The following SREK1 variants were observed in gnomAD, a reference collection of about 807,000 sequenced individuals.
SREK1 encodes splicing regulatory glutamic acid and lysine rich protein 1.
Under a neutral mutation model 66.5 loss-of-function variants are expected in SREK1, and 13 were observed. The observed-to-expected ratio is 0.20, with a 90% CI of 0.13 to 0.31. The LOEUF (loss-of-function observed/expected upper bound fraction) is 0.31, where lower values mean the gene tolerates loss of function less well. SREK1 is among the 10% of genes least tolerant of loss of function. The pLI is 1.00. For synonymous variants in SREK1, 265 were observed against 263.5 expected, an observed-to-expected ratio of 1.01 and a Z score of -0.05; for missense variants, 607 against 769.6, an observed-to-expected ratio of 0.79 and a Z score of 2.50.
intron 1 of SREK1, among the ~76,000 whole-genome samples, chr5:66,151,834 CTTTTTTTTTT>C (rs60920757): frequency 2.0e-4 from 17 of 84,786 alleles, no homozygotes; most frequent in African/African-American, 5.9e-4. Context: ...GAGGTACATC[CTTTTTTTTTT>C]TTTTTTTTTT....
At position 66,169,977 on chromosome 5, in the gene SREK1, G is replaced by A. The variant is rs948340928; in HGVS notation, c.1002-74G>A. On this transcript the variant is annotated intron_variant, in intron 7 of 11. Coordinates refer to ENST00000334121, the MANE Select transcript of SREK1 (RefSeq NM_001077199.3). Reference sequence around the variant, plus strand: ...TTTAAAATATTGTTAAATACTGTTAGGATAGATTTTAAATTTTCTTGTTTG... The same window carrying A: ...TTTAAAATATTGTTAAATACTGTTAAGATAGATTTTAAATTTTCTTGTTTG... 1.2e-5 allele frequency: 15 copies of A among 1,249,674 alleles called. No individual in the cohort carries two copies. In the African/African-American group the frequency reaches 2.0e-4, roughly 17 times the overall value. The allele number at this position is 1,249,674 out of a possible 1,614,324, so 77.4% of individuals were successfully genotyped here.
chr5:66,160,180 A>T (rs1321635543), intron 3 of SREK1, among the ~76,000 whole-genome samples: 1 of 151,632 alleles, frequency 6.6e-6, no homozygotes, highest in Non-Finnish European at 1.5e-5. Flanking sequence ...TGCTTAAAAA[A>T]CTCTGGCCAT....
chr5:66,148,971 T>C (rs1269412657), intron 1 of SREK1, among the ~76,000 whole-genome samples: 1 of 152,216 alleles, frequency 6.6e-6, no homozygotes, highest in East Asian at 1.9e-4. Context: ...TAAAATAGTG[T>C]TACCTTGCCT....
rs868461398 is a variant in SREK1 at position 66,157,832 on chromosome 5, G to A, written c.296-1387G>A. 37 of 530,998 alleles carry A rather than the reference G, an allele frequency of 7.0e-5. No individual in the cohort carries two copies. In the Middle Eastern group the frequency reaches 3.0e-3, roughly 43 times the overall value. 32.9% of individuals were successfully genotyped at this position (530,998 alleles called of 1,614,324 possible). A position where few individuals can be genotyped will look rare whatever the true frequency, so the allele number is the denominator to read the frequency against. On this transcript the variant is annotated intron_variant, in intron 2 of 11. Transcript: ENST00000334121. Reference sequence around the variant, plus strand: ...AAGGCATAGCCATTATTTAAATCAAGTTTTAAATTCCAACTTGAGTTCCAT... The same window carrying A: ...AAGGCATAGCCATTATTTAAATCAAATTTTAAATTCCAACTTGAGTTCCAT...
At chr5:66,151,898 T>A (rs1743858950) in intron 1 of SREK1, among the ~76,000 whole-genome samples, 1 of 135,840 alleles carries the variant, frequency 7.4e-6, no homozygotes, top group South Asian at 2.3e-4. Flanking sequence ...TAGGCTGGAG[T>A]GCAGTGGCGC....
intron 2 of SREK1, chr5:66,157,057 T>C (rs1826388370): frequency 1.0e-6 from 1 of 982,124 alleles, no homozygotes; most frequent in Non-Finnish European, 1.2e-6. Flanking sequence ...ATGGAGCTTT[T>C]TCTTAAAGTA....
At position 66,170,859 on chromosome 5, in the gene SREK1, G is replaced by C. The variant is rs761977570; in HGVS notation, c.1396G>C (p.Glu466Gln). Residue 466 changes from glutamate (E) to glutamine (Q), a missense_variant, in exon 9 of 12, where the codon GAG (glutamate) becomes CAG (glutamine). By Grantham distance (29) the Glu-to-Gln change is conservative. Around this residue, in one of 5 missense-constraint regions of SREK1, gnomAD observed 318 missense variants for 310.3 expected, o/e 1.02. Coordinates refer to ENST00000334121, the MANE Select transcript of SREK1 (RefSeq NM_001077199.3). ...EKEREKDRSKEIDEKRKKDKK... is the reference protein window; with the variant it reads ...EKEREKDRSKQIDEKRKKDKK... ...GGAACGAGAAAAAGACAGATCCAAA[G>C]AGATAGATGAAAAAAGAAAGAAGGA... 2 of 1,613,656 alleles carry C rather than the reference G, an allele frequency of 1.2e-6. No individual in the cohort carries two copies. Among genetic ancestry groups the C allele is most frequent in the Admixed American group, 3.3e-5 (2 of 59,938 alleles).
At chr5:66,176,654 C>T (rs1372702001) in intron 10 of SREK1, among the ~76,000 whole-genome samples, 1 of 151,978 alleles carries the variant, frequency 6.6e-6, no homozygotes, top group African/African-American at 2.4e-5. Flanking sequence ...CTTATTAGGC[C>T]ATCATTAGTG....
chr5:66,154,765 G>C (rs1271294577), intron 2 of SREK1, among the ~76,000 whole-genome samples: 2 of 152,044 alleles, frequency 1.3e-5, no homozygotes, highest in African/African-American at 2.4e-5. Context: ...GGGTTAGAGT[G>C]GGTAGGGAAG....
chr5:66,145,204 C>T (rs1056324568), intron 1 of SREK1: 8 of 974,138 alleles, frequency 8.2e-6, no homozygotes, highest in Non-Finnish European at 9.8e-6. Flanking sequence ...GCAGGGTTAT[C>T]CCTCCCGTAT....
At chr5:66,148,170 C>G (rs57904365) in intron 1 of SREK1, among the ~76,000 whole-genome samples, 1,913 of 152,050 alleles carry the variant, frequency 0.013, 47 homozygotes, top group African/African-American at 0.044. Context: ...ATGAATTGTG[C>G]TAATCCATAG....
At position 66,145,108 on chromosome 5, in the gene SREK1, G is replaced by A. The variant is rs186130115; in HGVS notation, c.161+571G>A. 3.4e-4 allele frequency: 332 copies of A among 985,698 alleles called. 4 individuals carry two copies. Among genetic ancestry groups the A allele is most frequent in the Admixed American group, 2.7e-3 (44 of 16,288 alleles). The allele number at this position is 985,698 out of a possible 1,614,324, so 61.1% of individuals were successfully genotyped here. A position where few individuals can be genotyped will look rare whatever the true frequency, so the allele number is the denominator to read the frequency against. ...GCGCATCCATGTTCCCAAAGATCAT[G>A]TCTGTTAGCCCTTTTGACAGCAGAT... On this transcript the variant is annotated intron_variant, in intron 1 of 11. Coordinates refer to ENST00000334121, the MANE Select transcript of SREK1 (RefSeq NM_001077199.3).
At chr5:66,165,813 G>T (rs1201854546) in intron 7 of SREK1, 1 of 152,164 alleles carries the variant, frequency 6.6e-6, no homozygotes, top group Admixed American at 6.5e-5. Flanking sequence ...GAAAGGATTT[G>T]GGGGAGGGAA....
intron 2 of SREK1, chr5:66,156,591 C>T: frequency 1.0e-6 from 1 of 985,444 alleles, no homozygotes; most frequent in South Asian, 4.7e-5. Flanking sequence ...TTTTTCCCCC[C>T]TAGTCTACAT....
chr5:66,176,821 A>G, intron 10 of SREK1, among the ~76,000 whole-genome samples: 1 of 151,972 alleles, frequency 6.6e-6, no homozygotes, highest in African/African-American at 2.4e-5. Context: ...TGATTTCTGT[A>G]TATTTATTTT....
rs949780955 is a variant in SREK1 at position 66,163,639 on chromosome 5, T to C, written c.756-153T>C. 126 of 653,928 alleles carry C rather than the reference T, an allele frequency of 1.9e-4. No homozygotes were observed. In the Admixed American group the frequency reaches 4.5e-3, roughly 23 times the overall value. The allele number at this position is 653,928 out of a possible 1,614,324, so 40.5% of individuals were successfully genotyped here. A position where few individuals can be genotyped will look rare whatever the true frequency, so the allele number is the denominator to read the frequency against. On this transcript the variant is annotated intron_variant, in intron 5 of 11. Transcript: ENST00000334121. ...GGAAGTGGGGATGAGAGATTAATCATGGTTTTGAGGTTGCTTTTGGTTATT... is the reference window on the plus strand; with the variant it reads ...GGAAGTGGGGATGAGAGATTAATCACGGTTTTGAGGTTGCTTTTGGTTATT...
intron 6 of SREK1, 164 bp from the exon 7 acceptor site, chr5:66,164,619 T>TC: frequency 6.5e-7 from 1 of 1,540,104 alleles, no homozygotes; most frequent in African/African-American, 1.4e-5. Flanking sequence ...GTGGCTGCAC[T>TC]CAACGAGTTT....
chr5:66,156,699 G>A (rs1410231847), intron 2 of SREK1: 1 of 984,810 alleles, frequency 1.0e-6, no homozygotes, highest in Non-Finnish European at 1.2e-6. Flanking sequence ...AACAATCTGG[G>A]AGTAAAGAAG....
chr5:66,166,390 G>C (rs559801029), intron 7 of SREK1: 8 of 152,260 alleles, frequency 5.3e-5, no homozygotes, highest in African/African-American at 1.9e-4. Context: ...TCTAAGTGAA[G>C]TTTTATGTGC....
Sources: allele counts gnomAD v4.1 joint callset (sites outside exome capture counted in the v4.1 genomes callset), GRCh38; gene constraint gnomAD v4.1.1; regional missense constraint gnomAD v4.1.1; transcripts MANE v1.5; gene names NCBI Gene and HGNC (gene_info 2026-07-23, HGNC 2026-07-21).